Variants in TCF4 observed in about 807,000 individuals in gnomAD.
TCF4 encodes transcription factor 4.
A neutral mutation model predicts 82.1 loss-of-function variants in TCF4; 3 were observed. The ratio of observed to expected loss-of-function variants is 0.04; its 90% CI spans 0.02 to 0.09. The LOEUF (loss-of-function observed/expected upper bound fraction) is 0.09. TCF4 is among the 10% of genes least tolerant of loss of function. The pLI, the probability that TCF4 is intolerant of heterozygous loss-of-function variation, is 1.00. For synonymous variants in TCF4, 276 were observed against 309.6 expected, an observed-to-expected ratio of 0.89 and a Z score of 1.14; for missense variants, 518 against 852.7, an observed-to-expected ratio of 0.61 and a Z score of 4.89.
intron 8 of TCF4, among the ~76,000 whole-genome samples, chr18:55,318,704 T>C (rs982575821): frequency 7.9e-5 from 12 of 152,150 alleles, no homozygotes; most frequent in African/African-American, 2.9e-4. Context: ...AAAATTTTTT[T>C]GTGGGATATG....
At chr18:55,340,474 C>G (rs2079657030) in intron 8 of TCF4, among the ~76,000 whole-genome samples, 1 of 150,700 alleles carries the variant, frequency 6.6e-6, no homozygotes, top group Non-Finnish European at 1.5e-5. Flanking sequence ...TACCCAGCTA[C>G]TCAGGAGCCT....
chr18:55,445,518 G>A (rs985743580), intron 5 of TCF4, among the ~76,000 whole-genome samples: 7 of 152,068 alleles, frequency 4.6e-5, no homozygotes, highest in Admixed American at 6.5e-5. Context: ...ATCAGATCTC[G>A]TGAGATGTAT....
intron 8 of TCF4, 121 bp downstream of exon 8, chr18:55,350,238 C>CACCTTCTAGATAA (rs1218576103): frequency 3.9e-6 from 4 of 1,033,462 alleles, no homozygotes; most frequent in Non-Finnish European, 6.0e-6. Context: ...CTACCTCATC[C>CACCTTCTAGATAA]ACCTTCTAGA....
intron 3 of TCF4, among the ~76,000 whole-genome samples, chr18:55,559,195 T>G (rs932238535): frequency 7.3e-5 from 11 of 151,174 alleles, no homozygotes; most frequent in Admixed American, 2.6e-4. Flanking sequence ...CTTCTGCTTG[T>G]GGCTATCAGA....
chr18:55,571,241 C>T (rs947991454), intron 3 of TCF4, among the ~76,000 whole-genome samples: 2 of 152,190 alleles, frequency 1.3e-5, no homozygotes, highest in Admixed American at 1.3e-4. Context: ...TTAACATACA[C>T]CACATGCAAC....
intron 6 of TCF4, among the ~76,000 whole-genome samples, chr18:55,395,136 A>G (rs2093413473): frequency 6.6e-6 from 1 of 152,216 alleles, no homozygotes; most frequent in Admixed American, 6.5e-5. Flanking sequence ...TCACATTGAA[A>G]CACTATCCTG....
chr18:55,597,100 T>C (rs1210509084), intron 2 of TCF4, among the ~76,000 whole-genome samples: 2 of 152,152 alleles, frequency 1.3e-5, no homozygotes, highest in Non-Finnish European at 2.9e-5. Context: ...TTCCCCTTTG[T>C]CTGCTGTGAC....
At chr18:55,521,334 T>G (rs932041613) in intron 3 of TCF4, among the ~76,000 whole-genome samples, 5 of 152,210 alleles carry the variant, frequency 3.3e-5, no homozygotes, top group Non-Finnish European at 5.9e-5. Context: ...ATGTAAATGT[T>G]ATCTTCTAGC....
intron 11 of TCF4, among the ~76,000 whole-genome samples, chr18:55,262,919 G>C (rs1289966111): frequency 6.6e-6 from 1 of 152,118 alleles, no homozygotes; most frequent in Admixed American, 6.5e-5. Flanking sequence ...CAATTCTCCT[G>C]CCTCAGCCTC....
At chr18:55,496,364 A>G (rs56026651) in intron 3 of TCF4, 5 of 151,844 alleles carry the variant, frequency 3.3e-5, no homozygotes, top group South Asian at 2.1e-4. Context: ...TTTTCTGTTC[A>G]TTGCATATTC....
In TCF4 at chr18:55,576,143, C is replaced by G. The variant is rs533968123; in HGVS notation, c.145+9137G>C. Reference sequence around the variant, plus strand: ...GATTTTGTTTAGTTTTGAGGTGCAGCCTTTAAGATTCTACCACTTCCTCAA... The same window carrying G: ...GATTTTGTTTAGTTTTGAGGTGCAGGCTTTAAGATTCTACCACTTCCTCAA... On this transcript the variant is annotated intron_variant, in intron 3 of 19. Transcript: ENST00000354452. 2.0e-5 allele frequency among the ~76,000 whole-genome samples: 3 copies of G among 152,258 alleles called. No individual in the cohort carries two copies. In the South Asian group the frequency reaches 6.2e-4, roughly 32 times the overall value.
intron 5 of TCF4, among the ~76,000 whole-genome samples, chr18:55,406,321 C>T (rs2094086711): frequency 6.6e-6 from 1 of 151,966 alleles, no homozygotes; most frequent in South Asian, 2.1e-4. Context: ...GAGCCAGAAC[C>T]CCTGTTTGGG....
intron 3 of TCF4, among the ~76,000 whole-genome samples, chr18:55,516,250 A>C (rs974580250): frequency 6.6e-6 from 1 of 152,160 alleles, no homozygotes; most frequent in Non-Finnish European, 1.5e-5. Context: ...CCTGACTCTT[A>C]AACAGGGATG....
intron 6 of TCF4, among the ~76,000 whole-genome samples, chr18:55,358,446 G>A (rs1452130711): frequency 6.6e-6 from 1 of 152,230 alleles, no homozygotes; most frequent in African/African-American, 2.4e-5. Context: ...GCAGCTACAA[G>A]TCACAGTGTC....
intron 3 of TCF4, among the ~76,000 whole-genome samples, chr18:55,566,558 TG>T (rs1240754905): frequency 6.6e-6 from 1 of 152,004 alleles, no homozygotes; most frequent in African/African-American, 2.4e-5. Context: ...GAGAACCAAA[TG>T]GAACTTTTAG....
chr18:55,550,298 T>C (rs2097249517), intron 3 of TCF4: 1 of 152,230 alleles, frequency 6.6e-6, no homozygotes, highest in African/African-American at 2.4e-5. Flanking sequence ...AATGTCAATA[T>C]TTACAAACTT....
In TCF4 at chr18:55,403,117, G is replaced by A. The variant is rs551987718; in HGVS notation, c.369+337C>T. 1.1e-4 allele frequency among the ~76,000 whole-genome samples: 16 copies of A among 152,226 alleles called. No homozygotes were observed. The South Asian group carries it at 2.9e-3, about 28-fold the overall frequency. On this transcript the variant is annotated intron_variant, in intron 6 of 19. Coordinates refer to ENST00000354452, the MANE Select transcript of TCF4 (RefSeq NM_001083962.2). ...CATGACTCCGCGAAGTATTTCCTGC[G>A]TAAGAAATTCTTAAGTTCTTAATTG...
At chr18:55,275,595 C>T (rs770511355) in intron 10 of TCF4, 24 bp downstream of exon 10, 29 of 1,613,464 alleles carry the variant, frequency 1.8e-5, no homozygotes, top group Non-Finnish European at 2.3e-5. Context: ...GTGACATTCC[C>T]GTTACCGTGT....
intron 5 of TCF4, among the ~76,000 whole-genome samples, chr18:55,458,870 C>T (rs1278834743): frequency 6.6e-6 from 1 of 152,142 alleles, no homozygotes; most frequent in African/African-American, 2.4e-5. Flanking sequence ...AATACCCTCT[C>T]GCTCTGAGGG....
Sources: allele counts gnomAD v4.1 joint callset (sites outside exome capture counted in the v4.1 genomes callset), GRCh38; gene constraint gnomAD v4.1.1; transcripts MANE v1.5; gene names NCBI Gene and HGNC (gene_info 2026-07-23, HGNC 2026-07-21).